The following ELAVL2 variants were observed in gnomAD, a reference collection of about 807,000 sequenced individuals.
The protein encoded by ELAVL2 is ELAV-like protein 2.
Under a neutral mutation model 34.6 loss-of-function variants are expected in ELAVL2, and 4 were observed. That is an observed-to-expected ratio of 0.12 (90% CI 0.06 to 0.26). ELAVL2 has a LOEUF of 0.26. ELAVL2 is among the 10% of genes least tolerant of loss of function. ELAVL2 has a pLI of 1.00. For synonymous variants in ELAVL2, 193 were observed against 154.8 expected, an observed-to-expected ratio of 1.25 and a Z score of -1.83; for missense variants, 432 against 442.8, an observed-to-expected ratio of 0.98 and a Z score of 0.22.
chr9:23,785,406 A>T (rs1439583246), intron 1 of ELAVL2, among the ~76,000 whole-genome samples: 1 of 152,238 alleles, frequency 6.6e-6, no homozygotes, highest in Non-Finnish European at 1.5e-5. Context: ...AATTTTGATG[A>T]ATTTAACTTA....
chr9:23,786,616 T>TC (rs1410387864), intron 1 of ELAVL2, among the ~76,000 whole-genome samples: 1 of 152,040 alleles, frequency 6.6e-6, no homozygotes, highest in Non-Finnish European at 1.5e-5. Flanking sequence ...ATAGACTGTA[T>TC]CACTCAGAAA....
chr9:23,784,228 G>C (rs1437335169), intron 1 of ELAVL2, among the ~76,000 whole-genome samples: 2 of 152,098 alleles, frequency 1.3e-5, no homozygotes, highest in African/African-American at 4.8e-5. Flanking sequence ...GCTGGGCACA[G>C]AGACTATAGC....
chr9:23,777,651 G>A (rs889389126), intron 1 of ELAVL2, among the ~76,000 whole-genome samples: 1 of 152,134 alleles, frequency 6.6e-6, no homozygotes, highest in Non-Finnish European at 1.5e-5. Flanking sequence ...TCATGAGGTA[G>A]AAGCAAGAAC....
chr9:23,844,466 A>G, the ELAVL2 span, among the ~76,000 whole-genome samples: 1 of 152,084 alleles, frequency 6.6e-6, no homozygotes, highest in African/African-American at 2.4e-5. Flanking sequence ...ATTTAATGAT[A>G]AATTAAGCAC....
chr9:23,806,107 T>A (rs2062185184), intron 1 of ELAVL2, among the ~76,000 whole-genome samples: 1 of 152,154 alleles, frequency 6.6e-6, no homozygotes, highest in Non-Finnish European at 1.5e-5. Flanking sequence ...ATCCAGCACT[T>A]AATTACCATC....
intron 3 of ELAVL2, among the ~76,000 whole-genome samples, chr9:23,722,005 A>G (rs2043854794): frequency 6.6e-6 from 1 of 152,204 alleles, no homozygotes; most frequent in African/African-American, 2.4e-5. Context: ...CGAATTGTTC[A>G]AGTGTCAACT....
At chr9:23,847,896 T>C in the ELAVL2 span, among the ~76,000 whole-genome samples, 2 of 152,068 alleles carry the variant, frequency 1.3e-5, no homozygotes, top group South Asian at 4.1e-4. Context: ...TTTTAATGAA[T>C]TACTTCAACT....
intron 1 of ELAVL2, chr9:23,764,902 A>C (rs1219395382): frequency 1.8e-6 from 2 of 1,142,630 alleles, no homozygotes; most frequent in Non-Finnish European, 2.5e-6. Context: ...AAATGTAAGA[A>C]TAATTAGTAT....
chr9:23,791,168 AG>A (rs2060277184), intron 1 of ELAVL2, among the ~76,000 whole-genome samples: 1 of 152,230 alleles, frequency 6.6e-6, no homozygotes, highest in African/African-American at 2.4e-5. Context: ...TAAAAGGCAG[AG>A]GTGGTCACAA....
At chr9:23,817,981 A>C (rs569471077) in intron 1 of ELAVL2, among the ~76,000 whole-genome samples, 1 of 152,350 alleles carries the variant, frequency 6.6e-6, no homozygotes, top group East Asian at 1.9e-4. Context: ...TCCTTAAATA[A>C]TTAACTAGCA....
intron 2 of ELAVL2, among the ~76,000 whole-genome samples, chr9:23,746,990 T>C (rs527588564): frequency 7.2e-5 from 11 of 152,080 alleles, no homozygotes; most frequent in African/African-American, 2.7e-4. Flanking sequence ...ACCTTCACAG[T>C]ATGACAATTC....
At chr9:23,716,147 A>T (rs1488808441) in intron 3 of ELAVL2, among the ~76,000 whole-genome samples, 1 of 129,394 alleles carries the variant, frequency 7.7e-6, no homozygotes, top group East Asian at 2.7e-4. Context: ...GGGGAACATC[A>T]CACACCGGGG....
chr9:23,791,870 T>C (rs541497037), intron 1 of ELAVL2, among the ~76,000 whole-genome samples: 3 of 152,354 alleles, frequency 2.0e-5, no homozygotes, highest in African/African-American at 4.8e-5. Context: ...TATTCTGTTA[T>C]GGCAGCCTAA....
intron 1 of ELAVL2, among the ~76,000 whole-genome samples, chr9:23,800,724 C>G (rs1253884004): frequency 5.3e-5 from 8 of 152,106 alleles, no homozygotes; most frequent in Admixed American, 2.6e-4. Context: ...AAATAACTTA[C>G]AGTAAAAGTT....
intron 1 of ELAVL2, among the ~76,000 whole-genome samples, chr9:23,763,762 T>C (rs752047047): frequency 1.3e-5 from 2 of 152,118 alleles, no homozygotes; most frequent in Non-Finnish European, 2.9e-5. Context: ...GAATCAGTGC[T>C]GTCATGATAA....
rs774471922 is a variant in ELAVL2, at chr9:23,759,754, T to TTATATATATATATATATA, written c.229+2234_229+2251dup. ...ATATGTGTATACATCATATATAGTATTATATATATATATATATATATATAT... is the reference window on the plus strand; with the variant it reads ...ATATGTGTATACATCATATATAGTATTATATATATATATATATATATATATATATATATATATATATAT... On this transcript the variant is annotated intron_variant, in intron 2 of 6. Transcript: ENST00000397312. Among the ~76,000 whole-genome samples the TTATATATATATATATATA allele has an allele frequency of 6.1e-3, 494 of 81,178 alleles. 5 individuals carry two copies. Among genetic ancestry groups the TTATATATATATATATATA allele is most frequent in the Middle Eastern group, 0.018 (2 of 114 alleles). The allele number at this position is 81,178 out of a possible 152,430, so 53.3% of individuals were successfully genotyped here. A position where few individuals can be genotyped will look rare whatever the true frequency, so the allele number is the denominator to read the frequency against.
At chr9:23,709,610 C>G (rs1746457015) in intron 3 of ELAVL2, among the ~76,000 whole-genome samples, 1 of 152,178 alleles carries the variant, frequency 6.6e-6, no homozygotes, top group African/African-American at 2.4e-5. Flanking sequence ...ATGACAAATT[C>G]TATTTAGAAA....
intron 5 of ELAVL2, among the ~76,000 whole-genome samples, chr9:23,699,375 T>A (rs1332660286): frequency 6.6e-6 from 1 of 152,160 alleles, no homozygotes; most frequent in Non-Finnish European, 1.5e-5. Context: ...AGAACTTTGT[T>A]TTACTTAATA....
At chr9:23,708,802 G>A (rs974971711) in intron 3 of ELAVL2, among the ~76,000 whole-genome samples, 1 of 151,876 alleles carries the variant, frequency 6.6e-6, no homozygotes, top group Non-Finnish European at 1.5e-5. Flanking sequence ...CCACCACACT[G>A]GCTTTTTTTG....
Sources: allele counts gnomAD v4.1 joint callset (sites outside exome capture counted in the v4.1 genomes callset), GRCh38; gene constraint gnomAD v4.1.1; transcripts MANE v1.5; gene names NCBI Gene and HGNC (gene_info 2026-07-23, HGNC 2026-07-21).